Variants in SLC35F3 observed in about 807,000 individuals in gnomAD.
The protein encoded by SLC35F3 is solute carrier family 35 member F3, also known as putative thiamine transporter SLC35F3.
In SLC35F3, 25 loss-of-function variants were observed where a neutral mutation model predicts 49.9. The ratio of observed to expected loss-of-function variants is 0.50; its 90% CI spans 0.37 to 0.70. The LOEUF (loss-of-function observed/expected upper bound fraction) is 0.70, where lower values mean the gene tolerates loss of function less well. SLC35F3 is among the 30% of genes least tolerant of loss of function. The probability of loss-of-function intolerance (pLI) is 0.00; values close to 1 mark genes in which losing one functional copy is unlikely to be tolerated. For synonymous variants in SLC35F3, 275 were observed against 265.4 expected (o/e 1.04, Z -0.35); for missense variants, 525 against 639.8 (o/e 0.82, Z 1.94).
chr1:233,988,162 C>T (rs1025986785), intron 2 of SLC35F3, among the ~76,000 whole-genome samples: 1 of 152,156 alleles, frequency 6.6e-6, no homozygotes, highest in Non-Finnish European at 1.5e-5. Context: ...CAGTGAGCTT[C>T]ATTTCAGGGT....
rs1027834664 is a variant in SLC35F3, at chr1:234,298,649, A to T, written c.609-10452A>T. Among the ~76,000 whole-genome samples, 6 of 151,822 alleles carry T rather than the reference A, an allele frequency of 4.0e-5. No individual in the cohort carries two copies. The East Asian group carries it at 1.2e-3, about 29-fold the overall frequency. On this transcript the variant is annotated intron_variant, in intron 3 of 7. Coordinates refer to ENST00000366618, the MANE Select transcript of SLC35F3 (RefSeq NM_173508.4). ...CCCATTCCAGACCTGCTGAAACAGCATCTCTAGATTGGGGCCCAGGAATGA... is the reference window on the plus strand; with the variant it reads ...CCCATTCCAGACCTGCTGAAACAGCTTCTCTAGATTGGGGCCCAGGAATGA...
At chr1:234,195,427 T>C (rs1242552649) in intron 2 of SLC35F3, among the ~76,000 whole-genome samples, 1 of 152,204 alleles carries the variant, frequency 6.6e-6, no homozygotes, top group Non-Finnish European at 1.5e-5. Context: ...ACTCTGGCTT[T>C]TAAAATCTAA....
chr1:234,167,329 G>A (rs1426066563), intron 2 of SLC35F3, among the ~76,000 whole-genome samples: 1 of 152,182 alleles, frequency 6.6e-6, no homozygotes, highest in Non-Finnish European at 1.5e-5. Flanking sequence ...GCTCAGAGAA[G>A]CCAAGGAAAT....
chr1:234,195,147 G>T (rs905917882), intron 2 of SLC35F3, among the ~76,000 whole-genome samples: 1 of 152,180 alleles, frequency 6.6e-6, no homozygotes, highest in African/African-American at 2.4e-5. Flanking sequence ...CCAAGGACAC[G>T]TGTGGACAGA....
chr1:233,974,278 G>C (rs1463130531), intron 2 of SLC35F3, among the ~76,000 whole-genome samples: 1 of 145,450 alleles, frequency 6.9e-6, no homozygotes. Context: ...TCCGCCTCCT[G>C]GGTTCAAGCA....
At chr1:234,117,812 G>T (rs1665511564) in intron 2 of SLC35F3, among the ~76,000 whole-genome samples, 1 of 151,054 alleles carries the variant, frequency 6.6e-6, no homozygotes, top group African/African-American at 2.4e-5. Context: ...TGTGAACCCG[G>T]CAGGCGGAGC....
chr1:234,271,634 A>G lies in SLC35F3; in HGVS notation c.609-37467A>G, dbSNP rs114658246. Among the ~76,000 whole-genome samples, 222 of 152,382 alleles carry G rather than the reference A, an allele frequency of 1.5e-3. 1 individual carries two copies. The highest frequency in any genetic ancestry group is 5.1e-3 in the African/African-American group (213 of 41,592). ...TGCATTGATGTTATTTAATAATAAT[A>G]CATTTGCCGAAAGCAAGAACTTCAT... On this transcript the variant is annotated intron_variant, in intron 3 of 7. Transcript: ENST00000366618.
At chr1:234,297,045 T>C (rs2102988524) in intron 3 of SLC35F3, among the ~76,000 whole-genome samples, 1 of 152,286 alleles carries the variant, frequency 6.6e-6, no homozygotes, top group South Asian at 2.1e-4. Context: ...AATAGGTATA[T>C]GAAAAGATGC....
At chr1:234,087,742 C>T (rs573003340) in intron 2 of SLC35F3, among the ~76,000 whole-genome samples, 4 of 152,236 alleles carry the variant, frequency 2.6e-5, no homozygotes, top group Admixed American at 6.5e-5. Flanking sequence ...TGTGAAGTCC[C>T]GGGTGGTCTA....
At chr1:234,244,000 C>T (rs752387389) in intron 3 of SLC35F3, among the ~76,000 whole-genome samples, 19 of 152,288 alleles carry the variant, frequency 1.2e-4, no homozygotes, top group East Asian at 9.6e-4. Context: ...GGCTCACCAA[C>T]GGGTGAAATG....
chr1:234,303,179 G>C (rs1668720211), intron 3 of SLC35F3, among the ~76,000 whole-genome samples: 1 of 151,926 alleles, frequency 6.6e-6, no homozygotes, highest in East Asian at 1.9e-4. Context: ...CACATATATT[G>C]TTCACTGACT....
intron 3 of SLC35F3, among the ~76,000 whole-genome samples, chr1:234,264,697 G>A (rs531348397): frequency 1.3e-4 from 20 of 152,230 alleles, no homozygotes; most frequent in African/African-American, 4.6e-4. Context: ...AGGACTGCAG[G>A]CACACACCAT....
chr1:234,267,091 T>G (rs1302663520), intron 3 of SLC35F3, among the ~76,000 whole-genome samples: 1 of 143,042 alleles, frequency 7.0e-6, no homozygotes, highest in Admixed American at 7.0e-5. Flanking sequence ...TTAAGGAGCA[T>G]GCTGCCTTCA....
At chr1:234,163,309 T>C (rs1666259013) in intron 2 of SLC35F3, among the ~76,000 whole-genome samples, 1 of 152,218 alleles carries the variant, frequency 6.6e-6, no homozygotes, top group South Asian at 2.1e-4. Context: ...GCAGTGCACC[T>C]CTTGTTTGCT....
At chr1:234,015,542 A>G (rs1042812006) in intron 2 of SLC35F3, among the ~76,000 whole-genome samples, 1 of 152,190 alleles carries the variant, frequency 6.6e-6, no homozygotes, top group African/African-American at 2.4e-5. Context: ...AAAGGTGCCA[A>G]GAACACACTA....
In SLC35F3 at chr1:234,270,508, A is replaced by G. The variant is rs1359780772; in HGVS notation, c.609-38593A>G. Among the ~76,000 whole-genome samples, 13 of 152,248 alleles carry G rather than the reference A, an allele frequency of 8.5e-5. 1 individual carries two copies. Among genetic ancestry groups the G allele is most frequent in the Admixed American group, 8.5e-4 (13 of 15,290 alleles). ...TAAATAATTTTAGGCTAAATTAAAC[A>G]TTTCATCATGTTGATCTGTGGCAGA... is the stretch of plus-strand genomic sequence containing the variant. On this transcript the variant is annotated intron_variant, in intron 3 of 7. Transcript: ENST00000366618.
At chr1:234,145,096 T>G (rs926688279) in intron 2 of SLC35F3, among the ~76,000 whole-genome samples, 3 of 152,208 alleles carry the variant, frequency 2.0e-5, no homozygotes, top group South Asian at 2.1e-4. Flanking sequence ...GGACTAACTT[T>G]CATCACAGCA....
intron 4 of SLC35F3, among the ~76,000 whole-genome samples, chr1:234,314,670 GA>G (rs1657442502): frequency 6.6e-6 from 1 of 152,222 alleles, no homozygotes; most frequent in African/African-American, 2.4e-5. Context: ...GCTGAGGCAG[GA>G]AAATCACTTG....
At chr1:233,926,613 G>T (rs765392934) in intron 2 of SLC35F3, among the ~76,000 whole-genome samples, 1 of 151,996 alleles carries the variant, frequency 6.6e-6, no homozygotes, top group African/African-American at 2.4e-5. Flanking sequence ...TGTTATTACC[G>T]ATCTTCTGAA....
Sources: gnomAD v4.1 joint callset for allele counts (sites outside exome capture counted in the v4.1 genomes callset) on GRCh38, gnomAD v4.1.1 for gene constraint, MANE v1.5 for transcripts, NCBI Gene and HGNC (gene_info 2026-07-23, HGNC 2026-07-21) for gene names.